MAD2L1BP: variants seen among roughly 807,000 people sequenced by gnomAD.
The protein encoded by MAD2L1BP is MAD2L1 binding protein, also known as MAD2L1-binding protein.
In MAD2L1BP, 22 loss-of-function variants were observed where a neutral mutation model predicts 28.4. The observed-to-expected ratio is 0.77, with a 90% confidence interval of 0.55 to 1.10. The LOEUF is 1.10. MAD2L1BP is among the 50% of genes least tolerant of loss of function. The pLI is 0.00. For synonymous variants in MAD2L1BP, 146 were observed against 133.7 expected (o/e 1.09, Z -0.63); for missense variants, 325 against 350.5 (o/e 0.93, Z 0.58).
chr6:43,636,815 C>T, intron 2 of MAD2L1BP, 169 bp downstream of exon 2: 2 of 715,136 alleles, frequency 2.8e-6, no homozygotes, highest in Admixed American at 5.7e-5. Flanking sequence ...ACCCTTCTGG[C>T]TTTTTCAACT....
At chr6:43,631,897 G>GT (rs1769943659), upstream of MAD2L1BP, among the ~76,000 whole-genome samples, 1 of 152,086 alleles carries the variant, frequency 6.6e-6, no homozygotes, top group South Asian at 2.1e-4. Flanking sequence ...AGAAGTTGTT[G>GT]TTGTTTGTTT....
In MAD2L1BP at chr6:43,640,234, A is replaced by G; in HGVS notation, c.526A>G (p.Ser176Gly). The G allele has an allele frequency of 6.2e-7, 1 of 1,613,846 alleles. No individual in the cohort carries two copies. Among genetic ancestry groups the G allele is most frequent in the Non-Finnish European group, 8.5e-7 (1 of 1,179,948 alleles). Residue 176 changes from serine (S) to glycine (G), a missense_variant, in exon 3 of 3, where the codon AGC (serine) becomes GGC (glycine). Ser to Gly is a moderately conservative substitution (Grantham distance 56). Transcript: ENST00000372171. ...CGACTTGTCTCTGCTGGCCCCCTAC[A>G]GCGTGGACCAGAGCCTGAGCACAGC... ...ELDLSLLAPYSVDQSLSTAAC... is the reference protein window; with the variant it reads ...ELDLSLLAPYGVDQSLSTAAC...
At chr6:43,631,497 T>G (rs1769925567), upstream of MAD2L1BP, among the ~76,000 whole-genome samples, 1 of 152,198 alleles carries the variant, frequency 6.6e-6, no homozygotes, top group Non-Finnish European at 1.5e-5. Flanking sequence ...TTTTATTTAT[T>G]TTTTGAGACA....
chr6:43,635,005 G>A (rs987562080), upstream of MAD2L1BP, among the ~76,000 whole-genome samples: 3 of 152,038 alleles, frequency 2.0e-5, no homozygotes, highest in African/African-American at 7.3e-5. Flanking sequence ...TCAAGTACTC[G>A]GGTAATTGCA....
chr6:43,630,116 G>A lies in MAD2L1BP; in HGVS notation c.20+347G>A, dbSNP rs1201428180. The stretch of plus-strand genomic sequence containing the variant: ...TACTTCGGGCGGGGCTAGGGCTCGG[G>A]TTACACCAACCACCACGAGGGCGGG... On this transcript the variant is annotated intron_variant, in intron 1 of 3. Transcript: ENST00000451025. Among the ~76,000 whole-genome samples the A allele has an allele frequency of 2.6e-5, 4 of 152,222 alleles. No individual in the cohort carries two copies. The East Asian group carries it at 5.8e-4, about 22-fold the overall frequency.
chr6:43,635,779 TC>T (rs1364109169), upstream of MAD2L1BP: 2 of 1,314,950 alleles, frequency 1.5e-6, no homozygotes, highest in Admixed American at 3.7e-5. Flanking sequence ...GCGCCTTTTT[TC>T]CGACCCAACT....
chr6:43,629,796 A>T, intron 1 of MAD2L1BP: 1 of 1,562,082 alleles, frequency 6.4e-7, no homozygotes. Context: ...GCCAGGGCGG[A>T]GGCGGATGGT....
intron 2 of MAD2L1BP, among the ~76,000 whole-genome samples, chr6:43,639,402 G>A (rs756205609): frequency 6.6e-6 from 1 of 152,214 alleles, no homozygotes; most frequent in Non-Finnish European, 1.5e-5. Flanking sequence ...GCCTCTCAAA[G>A]TGCTGGGATT....
chr6:43,629,899 G>A lies in MAD2L1BP; in HGVS notation c.20+130G>A, dbSNP rs1051691850. 6.2e-5 allele frequency: 76 copies of A among 1,219,778 alleles called. No individual in the cohort carries two copies. In the African/African-American group the frequency reaches 1.0e-3, roughly 16 times the overall value. The allele number at this position is 1,219,778 out of a possible 1,614,324, so 75.6% of individuals were successfully genotyped here. Reference sequence around the variant, plus strand: ...ATTACCAGGCTGGCACCGTCCAGGGGCTGGTTTTAATAACCGGAGGCACCG... The same window carrying A: ...ATTACCAGGCTGGCACCGTCCAGGGACTGGTTTTAATAACCGGAGGCACCG... On this transcript the variant is annotated intron_variant, in intron 1 of 3. Transcript: ENST00000451025.
intron 2 of MAD2L1BP, among the ~76,000 whole-genome samples, chr6:43,638,972 C>T (rs1582367132): frequency 6.6e-6 from 1 of 152,206 alleles, no homozygotes; most frequent in South Asian, 2.1e-4. Context: ...CATCTTCACA[C>T]AGATTTTCAT....
In MAD2L1BP at chr6:43,640,561, A is replaced by C; in HGVS notation, c.*28A>C. 1.3e-6 allele frequency: 2 copies of C among 1,529,862 alleles called. No homozygotes were observed. Among genetic ancestry groups the C allele is most frequent in the Non-Finnish European group, 1.8e-6 (2 of 1,137,824 alleles). The allele number at this position is 1,529,862 out of a possible 1,614,324, so 94.8% of individuals were successfully genotyped here. On this transcript the variant is annotated 3_prime_UTR_variant, in exon 3 of 3. Transcript: ENST00000372171. ...GAGTGCTTCTTAATCCTAAAAACAC[A>C]ATGGCTGAATTATCTTTCTCCATGT...
rs145721153 is a variant in MAD2L1BP, at chr6:43,629,942, G to C, written c.20+173G>C. Among the ~76,000 whole-genome samples the C allele has an allele frequency of 2.5e-3, 375 of 152,360 alleles. 1 individual carries two copies. The highest frequency in any genetic ancestry group is 8.7e-3 in the African/African-American group (362 of 41,590). On this transcript the variant is annotated intron_variant, in intron 1 of 3. Transcript: ENST00000451025. ...AGGCACCGCGGTGGCCCCGACACGA[G>C]ACCCGAACCCGTAAACCAGCTTCCT...
chr6:43,630,435 A>G (rs895473224), intron 1 of MAD2L1BP, among the ~76,000 whole-genome samples: 8 of 152,068 alleles, frequency 5.3e-5, no homozygotes, highest in African/African-American at 2.4e-5. Flanking sequence ...GTGCTCATAC[A>G]CGGTCAAGAA....
At chr6:43,633,114 C>T (rs1770019838), upstream of MAD2L1BP, 1 of 396,578 alleles carries the variant, frequency 2.5e-6, no homozygotes, top group Non-Finnish European at 4.9e-6. Context: ...TCCCAAAATG[C>T]TGGGATTATA....
At chr6:43,630,628 G>A (rs144552232) in intron 1 of MAD2L1BP, among the ~76,000 whole-genome samples, 4,980 of 151,978 alleles carry the variant, frequency 0.033, 266 homozygotes, top group African/African-American at 0.11. Flanking sequence ...CTGTAATCCC[G>A]GCTGCTCGCG....
rs1472705485 is a variant in MAD2L1BP, at chr6:43,636,740, C to G, written c.312+94C>G. The G allele has an allele frequency of 6.2e-6, 9 of 1,440,826 alleles. No individual in the cohort carries two copies. Among genetic ancestry groups the G allele is most frequent in the Non-Finnish European group, 7.6e-6 (8 of 1,056,448 alleles). The allele number at this position is 1,440,826 out of a possible 1,614,324, so 89.3% of individuals were successfully genotyped here. ...AGGGGGTCTAAGAAATCTTCAAAGC[C>G]TGAGAGAATAAGCAGCTTCCAGGGC... On this transcript the variant is annotated intron_variant, in intron 2 of 2. Transcript: ENST00000372171.
At chr6:43,635,396 T>C (rs1770140197), upstream of MAD2L1BP, among the ~76,000 whole-genome samples, 1 of 152,226 alleles carries the variant, frequency 6.6e-6, no homozygotes, top group South Asian at 2.1e-4. Context: ...TCCCAGCCCC[T>C]ACCCTCTGTG....
At chr6:43,636,706 C>T in intron 2 of MAD2L1BP, 60 bp downstream of exon 2, 1 of 1,571,192 alleles carries the variant, frequency 6.4e-7, no homozygotes. Context: ...AGATGGGAGG[C>T]AGGTAGAAAG....
chr6:43,635,967 C>G (rs1275701677), intron 1 of MAD2L1BP, 46 bp downstream of exon 1: 1 of 1,510,712 alleles, frequency 6.6e-7, no homozygotes, highest in Non-Finnish European at 8.9e-7. Context: ...GGACTTGTTT[C>G]TTCCCTACCG....
Sources: gnomAD v4.1 joint callset for allele counts (sites outside exome capture counted in the v4.1 genomes callset) on GRCh38, gnomAD v4.1.1 for gene constraint, MANE v1.5 for transcripts, NCBI Gene and HGNC (gene_info 2026-07-23, HGNC 2026-07-21) for gene names.